The following CACNA2D2 variants were observed in gnomAD, a reference collection of about 807,000 sequenced individuals.
CACNA2D2 encodes the protein voltage-dependent calcium channel subunit alpha-2/delta-2.
Under a neutral mutation model 166.4 loss-of-function variants are expected in CACNA2D2, and 48 were observed. That is an observed-to-expected ratio of 0.29 (90% CI 0.23 to 0.37). The LOEUF is 0.37. Among genes scored for constraint, CACNA2D2 ranks in the 10% least tolerant of loss-of-function variants. CACNA2D2 has a pLI of 1.00. For missense variants in CACNA2D2, 1,122 were observed against 1,433.0 expected, an observed-to-expected ratio of 0.78 and a Z score of 3.50; for synonymous variants, 561 against 573.7, an observed-to-expected ratio of 0.98 and a Z score of 0.32.
At chr3:50,437,844 C>T (rs963586261) in intron 2 of CACNA2D2, among the ~76,000 whole-genome samples, 3 of 152,198 alleles carry the variant, frequency 2.0e-5, no homozygotes, top group East Asian at 1.9e-4. Context: ...CAGGGTGCAC[C>T]GGATGCAGAG....
chr3:50,383,271 C>A (rs1283127544), intron 6 of CACNA2D2, among the ~76,000 whole-genome samples: 1 of 152,040 alleles, frequency 6.6e-6, no homozygotes, highest in South Asian at 2.1e-4. Context: ...GCCCAGAGGG[C>A]CTAGCTGACC....
In CACNA2D2 at chr3:50,375,626, A is replaced by G; in HGVS notation, c.1907+18T>C. ...GCCACCCCACCCTCTCTGCCCGCCC[A>G]GCCCTGGCCTCACTTACCTGTAGTT... is the stretch of plus-strand genomic sequence containing the variant. On this transcript the variant is annotated intron_variant, in intron 21 of 37. Coordinates refer to ENST00000424201, the MANE Select transcript of CACNA2D2 (RefSeq NM_006030.4). The surrounding 1 kb of genome is among the most constrained non-coding windows in gnomAD (Gnocchi z 4.0). 1 of 1,595,406 alleles carries G rather than the reference A, an allele frequency of 6.3e-7. No homozygotes were observed. Among genetic ancestry groups the G allele is most frequent in the South Asian group, 1.1e-5 (1 of 90,774 alleles).
rs1212906867 is a variant in CACNA2D2 at position 50,365,142 on chromosome 3, A to T, written c.3141T>A (p.Phe1047Leu). The change falls in exon 36 of 38, where the codon TTT becomes TTA. Residue 1047 changes from phenylalanine (F) to leucine (L), a missense_variant. This residue lies in a region of CACNA2D2 where 282 missense variants were observed against 266.2 expected (regional missense o/e 1.06). Coordinates refer to ENST00000424201, the MANE Select transcript of CACNA2D2 (RefSeq NM_006030.4). The surrounding 1 kb of genome is among the most constrained non-coding windows in gnomAD (Gnocchi z 4.5). The stretch of plus-strand genomic sequence containing the variant: ...TGCACAGCGGCTTCTCGGCCACCAC[A>T]AAGAGAAGATTGGTGTTGGTCAGTC... ...AQRLTNTNLL[F>L]VVAEKPLCSQ... 3.1e-6 allele frequency: 5 copies of T among 1,611,966 alleles called. No homozygotes were observed. Among genetic ancestry groups the T allele is most frequent in the Non-Finnish European group, 4.2e-6 (5 of 1,179,670 alleles).
chr3:50,448,198 T>G (rs905142424), intron 2 of CACNA2D2, among the ~76,000 whole-genome samples: 1 of 152,150 alleles, frequency 6.6e-6, no homozygotes, highest in African/African-American at 2.4e-5. Flanking sequence ...CAGTTAGGCC[T>G]GGGTATGTTC....
intron 2 of CACNA2D2, among the ~76,000 whole-genome samples, chr3:50,475,768 T>C (rs551778175): frequency 2.7e-4 from 41 of 152,284 alleles, no homozygotes; most frequent in Non-Finnish European, 5.0e-4. Context: ...CTTCAGCTCC[T>C]GTGCACCCCT....
intron 3 of CACNA2D2, among the ~76,000 whole-genome samples, chr3:50,401,630 CAA>C (rs1478922424): frequency 6.6e-6 from 1 of 152,088 alleles, no homozygotes; most frequent in Non-Finnish European, 1.5e-5. Flanking sequence ...TGTATTTTGC[CAA>C]GAGAGGACAC....
At position 50,434,413 on chromosome 3, in the gene CACNA2D2, C is replaced by T. The variant is rs376677841; in HGVS notation, c.305G>A (p.Arg102Gln). The change falls in exon 3 of 38, where the codon CGG becomes CAG. Residue 102 changes from arginine (R) to glutamine (Q), a missense_variant. This residue lies in a region of CACNA2D2 where 840 missense variants were observed against 1,166.8 expected (regional missense o/e 0.72). Transcript: ENST00000424201. ...QQLREIYKDNRNLFEVQENEP... is the reference protein window; with the variant it reads ...QQLREIYKDNQNLFEVQENEP... ...ATTCTCCTGTACCTCGAACAGGTTC[C>T]GGTTGTCCTTGTAAATCTGGAAGGA... The T allele has an allele frequency of 3.7e-6, 6 of 1,613,868 alleles. No individual in the cohort carries two copies. The highest frequency in any genetic ancestry group is 1.3e-5 in the African/African-American group (1 of 74,932).
At chr3:50,487,324 C>T (rs1702588173) in intron 1 of CACNA2D2, among the ~76,000 whole-genome samples, 2 of 152,228 alleles carry the variant, frequency 1.3e-5, no homozygotes. Flanking sequence ...AAGCTGAGTG[C>T]AATGGGGAAG....
At chr3:50,422,988 C>G (rs773415019) in intron 3 of CACNA2D2, among the ~76,000 whole-genome samples, 24 of 152,324 alleles carry the variant, frequency 1.6e-4, no homozygotes, top group Non-Finnish European at 3.1e-4. Context: ...CCCAGGTTCC[C>G]CCCAGACCCA....
chr3:50,477,612 C>A (rs1318042536), intron 1 of CACNA2D2, among the ~76,000 whole-genome samples: 1 of 152,176 alleles, frequency 6.6e-6, no homozygotes, highest in Admixed American at 6.5e-5. Flanking sequence ...CTCAACTTCT[C>A]CATCCCACTT....
At chr3:50,371,937 G>A (rs868395246) in intron 22 of CACNA2D2, among the ~76,000 whole-genome samples, 3 of 132,600 alleles carry the variant, frequency 2.3e-5, no homozygotes, top group African/African-American at 2.9e-5. Flanking sequence ...CCCCACCCCC[G>A]CCCTGGCCAC....
At chr3:50,370,463 CAG>C (rs1388063098) in intron 22 of CACNA2D2, 83 bp from the exon 23 acceptor site, 3 of 298,378 alleles carry the variant, frequency 1.0e-5, no homozygotes, top group Admixed American at 9.7e-5. Context: ...GCTGGAAGGA[CAG>C]GGGAGAGGGG....
chr3:50,455,951 T>A (rs743858), intron 2 of CACNA2D2, among the ~76,000 whole-genome samples: 7 of 151,866 alleles, frequency 4.6e-5, no homozygotes, highest in African/African-American at 7.3e-5. Context: ...CAGCTATGCA[T>A]TGTCAACTTC....
Position 50,462,302 on chromosome 3 carries a change from T to TG in CACNA2D2, c.288+13815dup, listed in dbSNP as rs1575727014. On this transcript the variant is annotated intron_variant, in intron 2 of 37. Transcript: ENST00000424201. ...TACTGGGGGGCTCAGGCAGGAGAATTGCTTGAACCAGGGAGGTGGAGGTTG... is the reference window on the plus strand; with the variant it reads ...TACTGGGGGGCTCAGGCAGGAGAATTGGCTTGAACCAGGGAGGTGGAGGTTG... Among the ~76,000 whole-genome samples, 3 of 151,570 alleles carry TG rather than the reference T, an allele frequency of 2.0e-5. No individual in the cohort carries two copies. In the East Asian group the frequency reaches 5.8e-4, roughly 29 times the overall value.
intron 23 of CACNA2D2, among the ~76,000 whole-genome samples, chr3:50,370,049 C>A (rs1371227864): frequency 6.6e-6 from 1 of 152,238 alleles, no homozygotes; most frequent in Non-Finnish European, 1.5e-5. Context: ...GCCTGGTTGC[C>A]TGGGAGGGCA....
chr3:50,384,712 A>T (rs1432912109), intron 5 of CACNA2D2, among the ~76,000 whole-genome samples: 1 of 152,242 alleles, frequency 6.6e-6, no homozygotes, highest in Non-Finnish European at 1.5e-5. Context: ...GCTTACAAGG[A>T]TGTGCTTGTG....
rs1483268260 is a variant in CACNA2D2, at chr3:50,366,820, T to C, written c.2589+11A>G. ...ACTGCTGGGTTACTGCCCCCGCCCC[T>C]GCCCAAATACCTTCTGAGGCTGGTC... On this transcript the variant is annotated intron_variant, in intron 29 of 37. Coordinates refer to ENST00000424201, the MANE Select transcript of CACNA2D2 (RefSeq NM_006030.4). The surrounding 1 kb of genome is among the most constrained non-coding windows in gnomAD (Gnocchi z 5.9). The C allele has an allele frequency of 1.2e-6, 2 of 1,612,956 alleles. No individual in the cohort carries two copies. Among genetic ancestry groups the C allele is most frequent in the Non-Finnish European group, 1.7e-6 (2 of 1,179,648 alleles).
At chr3:50,500,909 CA>C (rs1698937595) in intron 1 of CACNA2D2, among the ~76,000 whole-genome samples, 1 of 152,164 alleles carries the variant, frequency 6.6e-6, no homozygotes, top group Admixed American at 6.5e-5. Context: ...TAGCAGACCC[CA>C]AACCCACACT....
chr3:50,418,293 A>T (rs1707365035), intron 3 of CACNA2D2, among the ~76,000 whole-genome samples: 1 of 152,154 alleles, frequency 6.6e-6, no homozygotes, highest in African/African-American at 2.4e-5. Context: ...GGGCTTCCAG[A>T]GTGTCCAATG....
Sources: gnomAD v4.1 joint callset for allele counts (sites outside exome capture counted in the v4.1 genomes callset) on GRCh38, gnomAD v4.1.1 for gene constraint, gnomAD v4.1.1 regional missense constraint, Gnocchi (gnomAD v3.1) non-coding constraint, MANE v1.5 for transcripts, NCBI Gene and HGNC (gene_info 2026-07-23, HGNC 2026-07-21) for gene names.